USP16: variants seen among roughly 807,000 people sequenced by gnomAD.
USP16 encodes ubiquitin specific peptidase 16, also known as ubiquitin carboxyl-terminal hydrolase 16.
A neutral mutation model predicts 95.9 loss-of-function variants in USP16; 77 were observed. That is an observed-to-expected ratio of 0.80 (90% CI 0.67 to 0.97). The LOEUF is 0.97. USP16 is among the 50% of genes least tolerant of loss of function. The pLI, the probability that USP16 is intolerant of heterozygous loss-of-function variation, is 0.00. For missense variants in USP16, 943 were observed against 959.9 expected, an observed-to-expected ratio of 0.98 and a Z score of 0.23; for synonymous variants, 303 against 318.2, an observed-to-expected ratio of 0.95 and a Z score of 0.51.
At chr21:29,039,408 TA>T in intron 8 of USP16, 72 bp from the exon 9 acceptor site, 1 of 1,509,506 alleles carries the variant, frequency 6.6e-7, no homozygotes. Context: ...GATATGATCC[TA>T]AGATTTTCTA....
intron 13 of USP16, among the ~76,000 whole-genome samples, chr21:29,046,324 T>C (rs891854669): frequency 6.6e-6 from 1 of 152,078 alleles, no homozygotes; most frequent in African/African-American, 2.4e-5. Flanking sequence ...TATTTTTTTT[T>C]AGAGATGGGG....
intron 1 of USP16, among the ~76,000 whole-genome samples, chr21:29,027,256 A>G (rs911022938): frequency 6.6e-6 from 1 of 152,248 alleles, no homozygotes; most frequent in Admixed American, 6.5e-5. Flanking sequence ...GCAATAATAT[A>G]ATAATGTAAA....
chr21:29,045,867 G>A (rs1407919569), intron 13 of USP16, among the ~76,000 whole-genome samples: 1 of 152,052 alleles, frequency 6.6e-6, no homozygotes, highest in Non-Finnish European at 1.5e-5. Context: ...GTGCAGTGGT[G>A]TGGTCTCGGC....
rs568143352 is a variant in USP16 at position 29,046,694 on chromosome 21, G to A, written c.1384G>A (p.Gly462Arg). ...CCAACGAAGACAACAAAAAATTCAA[G>A]GAAAAGTTCTTCATTTAAATGATAT... ...KNQRRQQKIQ[G>R]KVLHLNDICT... Residue 462 changes from glycine (G) to arginine (R), a missense_variant, in exon 14 of 18, where the codon GGA (glycine) becomes AGA (arginine). Physicochemically the swap from Gly to Arg is moderately radical, Grantham distance 125. Coordinates refer to ENST00000399976, the MANE Select transcript of USP16 (RefSeq NM_006447.3). The A allele has an allele frequency of 1.2e-5, 20 of 1,605,800 alleles. No individual in the cohort carries two copies. In the African/African-American group the frequency reaches 2.0e-4, roughly 16 times the overall value.
chr21:29,025,723 A>T (rs1488323775), intron 1 of USP16: 25 of 984,516 alleles, frequency 2.5e-5, no homozygotes, highest in Non-Finnish European at 2.7e-5. Context: ...TGTTTGCTTC[A>T]TTCTTATGTA....
intron 12 of USP16, 71 bp downstream of exon 12, chr21:29,042,599 T>C (rs1282550295): frequency 2.2e-6 from 3 of 1,390,154 alleles, no homozygotes; most frequent in Non-Finnish European, 3.0e-6. Context: ...GGAAGCCTTG[T>C]TACTCTTTTT....
intron 3 of USP16, among the ~76,000 whole-genome samples, 174 bp downstream of exon 3, chr21:29,030,947 A>G (rs2085068395): frequency 1.3e-5 from 2 of 152,240 alleles, no homozygotes; most frequent in Admixed American, 1.3e-4. Context: ...CTCTGGTACC[A>G]CACCAGTAAA....
rs1217951978 is a variant in USP16, at chr21:29,048,832, CTTCA to C, written c.2086_2089del (p.His696Ter). 1.2e-6 allele frequency: 2 copies of C among 1,613,648 alleles called. No homozygotes were observed. Among genetic ancestry groups the C allele is most frequent in the Non-Finnish European group, 1.7e-6 (2 of 1,179,888 alleles). Reference sequence around the variant, plus strand: ...TTCTCTTGCTCCTCCTGTTCTTACTCTTCATTTAAAGAGATTTCAGCAGGTACTC... The same window carrying C: ...TTCTCTTGCTCCTCCTGTTCTTACTCTTTAAAGAGATTTCAGCAGGTACTC... On this transcript the variant is annotated frameshift_variant, in exon 15 of 18. Transcript: ENST00000399976. LOFTEE classifies it high-confidence loss of function.
intron 3 of USP16, among the ~76,000 whole-genome samples, chr21:29,033,709 T>C (rs1452324479): frequency 3.9e-5 from 6 of 152,234 alleles, no homozygotes; most frequent in Admixed American, 1.3e-4. Context: ...TTGGGATTTA[T>C]AGACCAGGTG....
chr21:29,027,426 A>G (rs1421376498), intron 1 of USP16, among the ~76,000 whole-genome samples: 30 of 152,210 alleles, frequency 2.0e-4, no homozygotes, highest in Admixed American at 2.0e-3. Context: ...ATTATTTTTA[A>G]TTTTTATTAG....
chr21:29,024,798 C>A, intron 1 of USP16, 21 bp downstream of exon 1: 1 of 1,263,526 alleles, frequency 7.9e-7, no homozygotes, highest in Non-Finnish European at 1.0e-6. Context: ...GTCCCACTGC[C>A]TGGCAGTCGT....
intron 13 of USP16, 71 bp from the exon 14 acceptor site, chr21:29,046,596 T>C (rs555409962): frequency 2.9e-4 from 431 of 1,462,806 alleles, no homozygotes; most frequent in Non-Finnish European, 3.8e-4. Context: ...CTTCTTCCTC[T>C]ATCTCTCTTC....
At chr21:29,042,449 A>G (rs1359714686) in intron 11 of USP16, 23 bp from the exon 12 acceptor site, 1 of 1,598,036 alleles carries the variant, frequency 6.3e-7, no homozygotes, top group Non-Finnish European at 8.5e-7. Context: ...ACATTTTTAC[A>G]CTGTCTTTTC....
chr21:29,034,872 G>T lies in USP16; in HGVS notation c.276G>T (p.Leu92Phe), dbSNP rs771323198. The T allele has an allele frequency of 6.8e-6, 11 of 1,613,998 alleles. No individual in the cohort carries two copies. The highest frequency in any genetic ancestry group is 2.5e-6 in the Non-Finnish European group (3 of 1,180,010). The change falls in exon 4 of 18, where the codon TTG becomes TTT. Residue 92 changes from leucine to phenylalanine, a missense_variant. By Grantham distance (22) the Leu-to-Phe change is conservative (BLOSUM62 0). Coordinates refer to ENST00000399976, the MANE Select transcript of USP16 (RefSeq NM_006447.3). Reference protein sequence around the residue: ...CGRNSQEQHALKHYLTPRSEP... With the variant: ...CGRNSQEQHAFKHYLTPRSEP... Reference sequence around the variant, plus strand: ...GAAATTCTCAGGAGCAGCATGCCTTGAAGCACTATCTGACGCCAAGATCTG... The same window carrying T: ...GAAATTCTCAGGAGCAGCATGCCTTTAAGCACTATCTGACGCCAAGATCTG...
intron 5 of USP16, 59 bp from the exon 6 acceptor site, chr21:29,037,217 A>G (rs1028847544): frequency 3.6e-6 from 4 of 1,103,246 alleles, no homozygotes; most frequent in Non-Finnish European, 5.0e-6. Context: ...TCCCAAGTAT[A>G]CTTCTGCATT....
At position 29,053,909 on chromosome 21, in the gene USP16, C is replaced by A. The variant is rs137890352; in HGVS notation, c.2301C>A (p.Thr767=). 3.1e-6 allele frequency: 5 copies of A among 1,614,220 alleles called. No homozygotes were observed. Among genetic ancestry groups the A allele is most frequent in the Non-Finnish European group, 4.2e-6 (5 of 1,180,038 alleles). ...GHYTAYAKAR[T]ANSHLSNLVL... ...ACACTGCCTATGCCAAGGCAAGAAC[C>A]GCAAATAGTCATCTCTCTAATCTTG... Residue 767 remains threonine (T), a synonymous_variant, in exon 17 of 18, where the codon ACC becomes ACA. Transcript: ENST00000399976.
chr21:29,026,946 G>A (rs907424199), intron 1 of USP16, among the ~76,000 whole-genome samples: 16 of 152,112 alleles, frequency 1.1e-4, no homozygotes, highest in Non-Finnish European at 1.3e-4. Flanking sequence ...AAAGTTTAGG[G>A]AGTGTGGTCC....
In USP16 at chr21:29,053,837, C is replaced by T. The variant is rs1401351952; in HGVS notation, c.2229C>T (p.Ser743=). The T allele has an allele frequency of 6.2e-7, 1 of 1,613,808 alleles. No homozygotes were observed. Among genetic ancestry groups the T allele is most frequent in the Non-Finnish European group, 8.5e-7 (1 of 1,179,928 alleles). Reference sequence around the variant, plus strand: ...AAGAAAATACAAGGGTACTCTATTCCTTATATGGAGTTGTTGAACACAGTG... The same window carrying T: ...AAGAAAATACAAGGGTACTCTATTCTTTATATGGAGTTGTTGAACACAGTG... ...VAEENTRVLY[S]LYGVVEHSGT... is the part of the protein sequence containing the mutation. Residue 743 remains serine, a synonymous_variant, in exon 17 of 18, where the codon TCC becomes TCT. Coordinates refer to ENST00000399976, the MANE Select transcript of USP16 (RefSeq NM_006447.3).
chr21:29,054,347 T>C lies in USP16; in HGVS notation c.*160T>C, dbSNP rs2085463050. On this transcript the variant is annotated 3_prime_UTR_variant, in exon 18 of 18. Transcript: ENST00000399976. ...TATTGAAGGGAAAAATACCTAAAAA[T>C]GTACAAAGGTTTTATATTGTCATAG... 1 of 954,426 alleles carries C rather than the reference T, an allele frequency of 1.0e-6. No individual in the cohort carries two copies. The highest frequency in any genetic ancestry group is 1.5e-6 in the Non-Finnish European group (1 of 665,592). The allele number at this position is 954,426 out of a possible 1,614,324, so 59.1% of individuals were successfully genotyped here.
Sources: allele counts gnomAD v4.1 joint callset (sites outside exome capture counted in the v4.1 genomes callset), GRCh38; gene constraint gnomAD v4.1.1; transcripts MANE v1.5; gene names NCBI Gene and HGNC (gene_info 2026-07-23, HGNC 2026-07-21).